TDRD1: variants seen among roughly 807,000 people sequenced by gnomAD.
TDRD1 encodes the protein tudor domain-containing protein 1.
In TDRD1, 37 loss-of-function variants were observed where a neutral mutation model predicts 140.6. The ratio of observed to expected loss-of-function variants is 0.26; its 90% CI spans 0.20 to 0.35. The LOEUF is 0.35. Among genes scored for constraint, TDRD1 ranks in the 10% least tolerant of loss-of-function variants. TDRD1 has a pLI of 1.00. For missense variants in TDRD1, 1,243 were observed against 1,393.0 expected (o/e 0.89, Z 1.71); for synonymous variants, 506 against 475.7 (o/e 1.06, Z -0.83).
At chr10:114,200,761 C>T (rs1042140261) in intron 4 of TDRD1, among the ~76,000 whole-genome samples, 1 of 150,644 alleles carries the variant, frequency 6.6e-6, no homozygotes, top group Non-Finnish European at 1.5e-5. Context: ...GACCTCACCT[C>T]AAGTGATCCA....
chr10:114,217,720 T>G, intron 17 of TDRD1, 65 bp downstream of exon 17: 1 of 819,468 alleles, frequency 1.2e-6, no homozygotes, highest in South Asian at 1.6e-5. Flanking sequence ...ACCTTATTTT[T>G]AGTGCACATT....
chr10:114,203,028 A>C, intron 6 of TDRD1, 44 bp from the exon 7 acceptor site: 1 of 1,304,858 alleles, frequency 7.7e-7, no homozygotes, highest in Non-Finnish European at 1.1e-6. Context: ...TCATTGAAAC[A>C]TGTGCTTTTA....
chr10:114,206,168 G>A, intron 10 of TDRD1, 76 bp from the exon 11 acceptor site: 2 of 1,145,572 alleles, frequency 1.7e-6, no homozygotes, highest in Non-Finnish European at 1.3e-6. Flanking sequence ...TGATTGACTT[G>A]TTTCTTCTTT....
At chr10:114,191,284 G>A (rs1412071493) in intron 3 of TDRD1, among the ~76,000 whole-genome samples, 2 of 152,140 alleles carry the variant, frequency 1.3e-5, no homozygotes, top group Non-Finnish European at 2.9e-5. Flanking sequence ...TCACAACTGG[G>A]TTATTGATAC....
At chr10:114,221,257 A>T (rs957411512) in intron 19 of TDRD1, 100 bp from the exon 20 acceptor site, 1 of 1,144,192 alleles carries the variant, frequency 8.7e-7, no homozygotes, top group Non-Finnish European at 1.3e-6. Context: ...AATGTTGATA[A>T]TCATTTCATG....
At chr10:114,211,455 A>G (rs2035478921) in intron 13 of TDRD1, among the ~76,000 whole-genome samples, 1 of 152,156 alleles carries the variant, frequency 6.6e-6, no homozygotes, top group South Asian at 2.1e-4. Context: ...GGAAGGGGAG[A>G]CGCAGTAATC....
At chr10:114,232,650 A>G (rs2036818263), downstream of TDRD1, among the ~76,000 whole-genome samples, 1 of 152,038 alleles carries the variant, frequency 6.6e-6, no homozygotes. Context: ...GCCCAATAAA[A>G]TTATTTCACT....
intron 1 of TDRD1, among the ~76,000 whole-genome samples, chr10:114,181,069 A>T (rs538410536): frequency 2.2e-4 from 34 of 152,210 alleles, no homozygotes; most frequent in Non-Finnish European, 5.9e-5. Context: ...TGAAGTACAG[A>T]ACAAAGAAAT....
At chr10:114,232,009 C>T (rs138853307) in exon 26 of TDRD1, 2 of 151,842 alleles carry the variant, frequency 1.3e-5, no homozygotes, top group African/African-American at 4.8e-5. Flanking sequence ...TGTAATATTC[C>T]CTGCATTCTC....
chr10:114,202,135 T>C, intron 5 of TDRD1, 103 bp from the exon 6 acceptor site: 2 of 860,174 alleles, frequency 2.3e-6, no homozygotes, highest in Non-Finnish European at 3.6e-6. Context: ...GCTGTTTTGC[T>C]CTTTCAGGAT....
At chr10:114,183,674 C>T (rs1162518364) in intron 1 of TDRD1, among the ~76,000 whole-genome samples, 2 of 149,478 alleles carry the variant, frequency 1.3e-5, no homozygotes, top group Non-Finnish European at 1.5e-5. Flanking sequence ...GTATAATAGG[C>T]TGTCTATTAA....
rs1264339790 is a variant in TDRD1 at position 114,228,124 on chromosome 10, A to G, written c.3537A>G (p.Lys1179=). The change falls in exon 25 of 26, where the codon AAA becomes AAG. Residue 1179 remains lysine (K), a splice_region_variant and synonymous_variant. Transcript: ENST00000251864. ...TTATTGAAATGAAAAAACTGTTAAAAAGTTAAGTAAGTTAAATCGTATGTT... is the reference window on the plus strand; with the variant it reads ...TTATTGAAATGAAAAAACTGTTAAAGAGTTAAGTAAGTTAAATCGTATGTT... The G allele has an allele frequency of 1.0e-5, 16 of 1,578,552 alleles. No individual in the cohort carries two copies. In the East Asian group the frequency reaches 3.6e-4, roughly 36 times the overall value.
At position 114,191,033 on chromosome 10, in the gene TDRD1, T is replaced by C; in HGVS notation, c.384+14T>C. ...GAAGTGAATATTGTAAGTTATTTTATTGTGTGTGTGCTTGTTTGGGTAAAA... is the reference window on the plus strand; with the variant it reads ...GAAGTGAATATTGTAAGTTATTTTACTGTGTGTGTGCTTGTTTGGGTAAAA... On this transcript the variant is annotated intron_variant, in intron 3 of 25. Coordinates refer to ENST00000251864, the Ensembl canonical transcript of TDRD1. 1 of 1,613,020 alleles carries C rather than the reference T, an allele frequency of 6.2e-7. No individual in the cohort carries two copies. The highest frequency in any genetic ancestry group is 8.5e-7 in the Non-Finnish European group (1 of 1,179,254).
intron 25 of TDRD1, among the ~76,000 whole-genome samples, chr10:114,229,817 A>ATAT (rs1313064860): frequency 1.6e-5 from 2 of 126,176 alleles, no homozygotes; most frequent in African/African-American, 5.5e-5. Flanking sequence ...ATATATATAT[A>ATAT]TTTTTTTTTT....
At chr10:114,219,212 A>G (rs1035058873) in intron 18 of TDRD1, among the ~76,000 whole-genome samples, 7 of 152,324 alleles carry the variant, frequency 4.6e-5, no homozygotes, top group Middle Eastern at 3.4e-3. Flanking sequence ...GATAAAGACA[A>G]TAGACGTCAG....
intron 11 of TDRD1, 49 bp downstream of exon 11, chr10:114,206,379 A>T: frequency 6.8e-7 from 1 of 1,470,036 alleles, no homozygotes; most frequent in South Asian, 1.2e-5. Context: ...GTTATTGAAG[A>T]CCATCTACCT....
chr10:114,196,246 T>G (rs369086893), intron 3 of TDRD1, among the ~76,000 whole-genome samples: 8 of 152,170 alleles, frequency 5.3e-5, no homozygotes, highest in African/African-American at 1.9e-4. Context: ...CCCGGACTAT[T>G]GTGTTTTTCT....
intron 1 of TDRD1, among the ~76,000 whole-genome samples, chr10:114,182,874 C>T (rs1383947573): frequency 5.3e-5 from 8 of 151,870 alleles, no homozygotes; most frequent in East Asian, 1.9e-4. Flanking sequence ...TTAGTAGAGA[C>T]GGGGTTTCAC....
intron 1 of TDRD1, among the ~76,000 whole-genome samples, chr10:114,183,610 G>A (rs543239849): frequency 6.6e-6 from 1 of 150,974 alleles, no homozygotes; most frequent in Admixed American, 6.6e-5. Flanking sequence ...TTTTTCATTT[G>A]CCATTCTAAC....
Sources: gnomAD v4.1 joint callset for allele counts (sites outside exome capture counted in the v4.1 genomes callset) on GRCh38, gnomAD v4.1.1 for gene constraint, MANE v1.5 for transcripts, NCBI Gene and HGNC (gene_info 2026-07-23, HGNC 2026-07-21) for gene names.